The following CRTC3 variants were observed in gnomAD, a reference collection of about 807,000 sequenced individuals.
CRTC3 encodes the protein CREB regulated transcription coactivator 3.
Under a neutral mutation model 74.5 loss-of-function variants are expected in CRTC3, and 26 were observed. The observed-to-expected ratio is 0.35, with a 90% CI of 0.26 to 0.48. The LOEUF is 0.48. CRTC3 is among the 20% of genes least tolerant of loss of function. The probability of loss-of-function intolerance (pLI) is 0.99; values close to 1 mark genes in which losing one functional copy is unlikely to be tolerated. For synonymous variants in CRTC3, 377 were observed against 325.8 expected (o/e 1.16, Z -1.69); for missense variants, 760 against 787.3 (o/e 0.97, Z 0.41).
intron 2 of CRTC3, among the ~76,000 whole-genome samples, chr15:90,567,503 A>G (rs1040160956): frequency 1.3e-5 from 2 of 152,014 alleles, no homozygotes; most frequent in African/African-American, 4.8e-5. Flanking sequence ...CCTGGCCAAC[A>G]TGGTGAAACC....
chr15:90,579,804 G>A (rs8039499), intron 2 of CRTC3, among the ~76,000 whole-genome samples: 5,271 of 151,974 alleles, frequency 0.035, 277 homozygotes, highest in African/African-American at 0.12. Context: ...ACCATGCCCA[G>A]CTAATTTTTG....
At chr15:90,562,015 A>G (rs190051141) in intron 2 of CRTC3, among the ~76,000 whole-genome samples, 4 of 152,360 alleles carry the variant, frequency 2.6e-5, no homozygotes. Context: ...CTCCCTGGCT[A>G]TAAGCAGTTG....
intron 9 of CRTC3, among the ~76,000 whole-genome samples, chr15:90,623,870 A>C (rs1245589659): frequency 1.3e-5 from 2 of 152,196 alleles, no homozygotes; most frequent in South Asian, 4.2e-4. Flanking sequence ...TTCTGAGGGC[A>C]CACCATGTGG....
chr15:90,627,283 C>T (rs898381340), intron 10 of CRTC3, among the ~76,000 whole-genome samples: 1 of 152,186 alleles, frequency 6.6e-6, no homozygotes, highest in Non-Finnish European at 1.5e-5. Flanking sequence ...GGTTTTTCAT[C>T]GACTGAGTCT....
At chr15:90,611,283 A>AGGCATGGGAGCACACAGAAGG (rs1395077737) in intron 6 of CRTC3, among the ~76,000 whole-genome samples, 1 of 151,894 alleles carries the variant, frequency 6.6e-6, no homozygotes, top group Non-Finnish European at 1.5e-5. Context: ...TAGATTTGCC[A>AGGCATGGGAGCACACAGAAGG]GGCATGGGAG....
At chr15:90,532,825 G>A (rs1456166225) in intron 1 of CRTC3, among the ~76,000 whole-genome samples, 2 of 152,146 alleles carry the variant, frequency 1.3e-5, no homozygotes, top group East Asian at 3.8e-4. Flanking sequence ...GGTGGTTCAC[G>A]CCTGTAATCC....
chr15:90,640,249 A>G (rs980273395), intron 13 of CRTC3, among the ~76,000 whole-genome samples: 1 of 152,178 alleles, frequency 6.6e-6, no homozygotes, highest in Non-Finnish European at 1.5e-5. Flanking sequence ...AATGGCTTAG[A>G]AAATTAATTT....
In CRTC3 at chr15:90,625,512, T is replaced by C. The variant is rs1431300935; in HGVS notation, c.750-264T>C. Among the ~76,000 whole-genome samples the C allele has an allele frequency of 3.3e-5, 5 of 152,328 alleles. No individual in the cohort carries two copies. In the East Asian group the frequency reaches 9.6e-4, roughly 29 times the overall value. On this transcript the variant is annotated intron_variant, in intron 9 of 14. Transcript: ENST00000268184. ...GTGGTTTATAATTTTCAGAATACTT[T>C]TGCATCCATAATCTAATCTGGTCTT...
chr15:90,545,035 C>T (rs561175603), intron 2 of CRTC3, among the ~76,000 whole-genome samples: 15 of 152,316 alleles, frequency 9.8e-5, no homozygotes, highest in African/African-American at 3.6e-4. Flanking sequence ...CTGGCAACTA[C>T]TGTTTTTTCT....
chr15:90,643,968 C>G lies in CRTC3; in HGVS notation c.*1828C>G, dbSNP rs1969540464. The G allele has an allele frequency of 4.3e-6, 1 of 232,610 alleles. No homozygotes were observed. The highest frequency in any genetic ancestry group is 2.2e-5 in the African/African-American group (1 of 45,276). 14.4% of individuals were successfully genotyped at this position (232,610 alleles called of 1,614,324 possible). On this transcript the variant is annotated 3_prime_UTR_variant, in exon 15 of 15. Transcript: ENST00000268184. ...GTCACAAGACCCTGGGCTGGTTAGC[C>G]TCTCCCGACCTCATTCCATTTCTAT...
chr15:90,545,821 G>A (rs531331895), intron 2 of CRTC3, among the ~76,000 whole-genome samples: 105 of 151,916 alleles, frequency 6.9e-4, no homozygotes, highest in East Asian at 2.9e-3. Flanking sequence ...TTTGTGATCC[G>A]CCCGCCTTGG....
chr15:90,644,003 T>C lies in CRTC3; in HGVS notation c.*1863T>C, dbSNP rs1969541615. On this transcript the variant is annotated 3_prime_UTR_variant, in exon 15 of 15. Coordinates refer to ENST00000268184, the MANE Select transcript of CRTC3 (RefSeq NM_022769.5). The stretch of plus-strand genomic sequence containing the variant: ...CTCATTCCATTTCTATCTTCTGACC[T>C]TGCCTCTCATCTTTAAAATAACCCT... The C allele has an allele frequency of 4.3e-6, 1 of 232,062 alleles. No individual in the cohort carries two copies. The highest frequency in any genetic ancestry group is 5.6e-5 in the Admixed American group (1 of 17,744). The allele number at this position is 232,062 out of a possible 1,614,324, so 14.4% of individuals were successfully genotyped here. A position where few individuals can be genotyped will look rare whatever the true frequency, so the allele number is the denominator to read the frequency against.
At chr15:90,576,125 C>G (rs376602341) in intron 2 of CRTC3, among the ~76,000 whole-genome samples, 13 of 152,156 alleles carry the variant, frequency 8.5e-5, no homozygotes, top group African/African-American at 3.1e-4. Context: ...TCAAAATGGC[C>G]AGGTGCACTG....
Position 90,629,236 on chromosome 15 carries a change from C to T in CRTC3, c.970C>T (p.Leu324Phe), listed in dbSNP as rs775931547. The change falls in exon 11 of 15, where the codon CTC (leucine) becomes TTC (phenylalanine). Residue 324 changes from leucine to phenylalanine, a missense_variant and splice_region_variant. By Grantham distance (22) the Leu-to-Phe change is conservative. This residue lies in a region of CRTC3 where 652 missense variants were observed against 635.2 expected (regional missense o/e 1.03). Coordinates refer to ENST00000268184, the MANE Select transcript of CRTC3 (RefSeq NM_022769.5). ...CTTGTGAATTTGTTGTCTTCCAGGT[C>T]TCCAGAGTTCTCGGAGTAACCCCTC... is the stretch of plus-strand genomic sequence containing the variant. ...THLGIRSSSG[L>F]QSSRSNPSIQ... 5 of 1,610,336 alleles carry T rather than the reference C, an allele frequency of 3.1e-6. No homozygotes were observed. In the Admixed American group the frequency reaches 5.0e-5, roughly 16 times the overall value.
intron 11 of CRTC3, 54 bp from the exon 12 acceptor site, chr15:90,638,392 C>T (rs1214707358): frequency 4.1e-5 from 61 of 1,495,652 alleles, no homozygotes; most frequent in Non-Finnish European, 5.6e-5. Flanking sequence ...TCCTAAAGGA[C>T]TTAACGCCAG....
At chr15:90,618,754 C>T (rs1011329539) in intron 8 of CRTC3, among the ~76,000 whole-genome samples, 1 of 152,154 alleles carries the variant, frequency 6.6e-6, no homozygotes, top group Non-Finnish European at 1.5e-5. Flanking sequence ...TCTTAAAAGG[C>T]TTTTTGTAAA....
intron 2 of CRTC3, among the ~76,000 whole-genome samples, chr15:90,583,768 A>G (rs1967596965): frequency 6.6e-6 from 1 of 152,142 alleles, no homozygotes; most frequent in South Asian, 2.1e-4. Flanking sequence ...GGCTGCTGTC[A>G]GAGAGGCTGG....
intron 7 of CRTC3, among the ~76,000 whole-genome samples, chr15:90,617,593 C>T (rs911451284): frequency 1.3e-5 from 2 of 151,980 alleles, no homozygotes; most frequent in South Asian, 2.1e-4. Context: ...GCAGTGGCAC[C>T]GTCATGACTC....
At chr15:90,593,574 T>C (rs1285698509) in intron 2 of CRTC3, 62 bp from the exon 3 acceptor site, 1 of 1,572,514 alleles carries the variant, frequency 6.4e-7, no homozygotes, top group East Asian at 2.3e-5. Context: ...TTATCAGTTG[T>C]TCTTGAGGGT....
Sources: gnomAD v4.1 joint callset for allele counts (sites outside exome capture counted in the v4.1 genomes callset) on GRCh38, gnomAD v4.1.1 for gene constraint, gnomAD v4.1.1 regional missense constraint, MANE v1.5 for transcripts, NCBI Gene and HGNC (gene_info 2026-07-23, HGNC 2026-07-21) for gene names.